Variants in RTN4 observed in about 807,000 individuals in gnomAD.
The protein encoded by RTN4 is reticulon 4.
A neutral mutation model predicts 90.4 loss-of-function variants in RTN4; 32 were observed. That is an observed-to-expected ratio of 0.35 (90% CI 0.27 to 0.48). RTN4 has a LOEUF of 0.48. Among genes scored for constraint, RTN4 ranks in the 20% least tolerant of loss-of-function variants. The pLI is 0.99. For synonymous variants in RTN4, 629 were observed against 552.5 expected (o/e 1.14, Z -1.94); for missense variants, 1,706 against 1,430.2 (o/e 1.19, Z -3.11).
At chr2:55,034,153 A>G (rs573290231) in intron 1 of RTN4, among the ~76,000 whole-genome samples, 19 of 152,326 alleles carry the variant, frequency 1.2e-4, no homozygotes, top group African/African-American at 4.6e-4. Flanking sequence ...TGGTGGCTAT[A>G]CAGAACATAG....
chr2:54,993,519 A>C (rs995628051), intron 3 of RTN4, among the ~76,000 whole-genome samples: 5 of 152,236 alleles, frequency 3.3e-5, no homozygotes, highest in African/African-American at 1.2e-4. Context: ...GCAGTACTCA[A>C]TGATAGTAAG....
intron 3 of RTN4, among the ~76,000 whole-genome samples, chr2:55,019,046 T>C (rs1314445361): frequency 6.6e-6 from 1 of 151,982 alleles, no homozygotes; most frequent in African/African-American, 2.4e-5. Context: ...AGAAAGAAGG[T>C]TGCATGTCCC....
intron 3 of RTN4, among the ~76,000 whole-genome samples, chr2:55,008,160 C>CACA (rs1172858375): frequency 6.6e-6 from 1 of 151,648 alleles, no homozygotes; most frequent in Non-Finnish European, 1.5e-5. Flanking sequence ...CACACACACA[C>CACA]ACACACACAC....
chr2:55,136,197 C>A, the RTN4 span, among the ~76,000 whole-genome samples: 3 of 151,938 alleles, frequency 2.0e-5, no homozygotes, highest in Admixed American at 2.0e-4. Context: ...TAAGAAGCAA[C>A]AGGGCAAAGT....
intron 1 of RTN4, among the ~76,000 whole-genome samples, chr2:55,034,727 T>C (rs1682558948): frequency 6.6e-6 from 1 of 152,200 alleles, no homozygotes; most frequent in Non-Finnish European, 1.5e-5. Context: ...AGATGTTGAA[T>C]ATACAGGTAG....
intron 3 of RTN4, among the ~76,000 whole-genome samples, chr2:55,021,154 CT>C (rs1681399805): frequency 6.6e-6 from 1 of 152,014 alleles, no homozygotes; most frequent in Non-Finnish European, 1.5e-5. Flanking sequence ...TGGCATAAAA[CT>C]TTTAAGTCAT....
At chr2:55,063,252 T>C (rs1163805616) in intron 2 of RTN4, among the ~76,000 whole-genome samples, 1 of 152,218 alleles carries the variant, frequency 6.6e-6, no homozygotes, top group Non-Finnish European at 1.5e-5. Context: ...TAGAAGATAG[T>C]GGGCTTCTTA....
intron 3 of RTN4, among the ~76,000 whole-genome samples, chr2:55,011,981 CAT>C (rs529940120): frequency 1.3e-3 from 204 of 152,322 alleles, no homozygotes; most frequent in African/African-American, 4.6e-3. Context: ...CTCCACGCAA[CAT>C]TCAGAATCTC....
At position 54,997,522 on chromosome 2, in the gene RTN4, T is replaced by C. The variant is rs112809102; in HGVS notation, c.3014-9824A>G. Among the ~76,000 whole-genome samples, 1,043 of 152,214 alleles carry C rather than the reference T, an allele frequency of 6.9e-3. 11 individuals are homozygous for C. The highest frequency in any genetic ancestry group is 0.024 in the African/African-American group (978 of 41,546). Reference sequence around the variant, plus strand: ...TCCTAGGAATTTTCACCCAAGAAACTAGAAAACACAAAAACTTAACACACA... The same window carrying C: ...TCCTAGGAATTTTCACCCAAGAAACCAGAAAACACAAAAACTTAACACACA... On this transcript the variant is annotated intron_variant, in intron 3 of 8. Coordinates refer to ENST00000337526, the MANE Select transcript of RTN4 (RefSeq NM_020532.5).
rs776691639 is a variant in RTN4 at position 55,026,709 on chromosome 2, A to G, written c.1390T>C (p.Cys464Arg). The G allele has an allele frequency of 3.0e-5, 48 of 1,613,804 alleles. No individual in the cohort carries two copies. Among genetic ancestry groups the G allele is most frequent in the Non-Finnish European group, 3.6e-5 (43 of 1,179,886 alleles). ...IKDRSGAYIT[C>R]APFNPAATES... ...GTTGCTGCTGGGTTAAAGGGAGCACATGTGATATATGCTCCTGAACGATCC... is the reference window on the plus strand; with the variant it reads ...GTTGCTGCTGGGTTAAAGGGAGCACGTGTGATATATGCTCCTGAACGATCC... The change falls in exon 3 of 9, where the codon TGT becomes CGT. Residue 464 changes from cysteine (C) to arginine (R), a missense_variant. Transcript: ENST00000337526.
intron 1 of RTN4, among the ~76,000 whole-genome samples, chr2:55,037,767 A>T (rs1682791655): frequency 6.6e-6 from 1 of 152,232 alleles, no homozygotes; most frequent in African/African-American, 2.4e-5. Context: ...TCAAATTCAT[A>T]ACAGGCATTT....
chr2:54,985,032 A>G (rs1008021226), intron 4 of RTN4, among the ~76,000 whole-genome samples: 61 of 152,210 alleles, frequency 4.0e-4, no homozygotes, highest in Admixed American at 3.3e-3. Context: ...AATGATGTGT[A>G]AAATTGGAAC....
the RTN4 span, among the ~76,000 whole-genome samples, chr2:55,137,560 G>A: frequency 2.5e-3 from 373 of 152,160 alleles, 1 homozygote; most frequent in African/African-American, 8.6e-3. Flanking sequence ...AAATCACGGC[G>A]GCTGCTGCTC....
intron 1 of RTN4, among the ~76,000 whole-genome samples, chr2:55,097,756 C>A (rs758451261): frequency 2.0e-5 from 3 of 152,084 alleles, no homozygotes; most frequent in Non-Finnish European, 2.9e-5. Context: ...GAAGTGAAAT[C>A]CATAATGAAG....
In RTN4 at chr2:55,026,140, A is replaced by C. The variant is rs199852595; in HGVS notation, c.1959T>G (p.Pro653=). 1 of 1,613,274 alleles carries C rather than the reference A, an allele frequency of 6.2e-7. No homozygotes were observed. Among genetic ancestry groups the C allele is most frequent in the Non-Finnish European group, 8.5e-7 (1 of 1,179,780 alleles). ...CCTCTTCATATGGTGGGGGGTTTTCAGGCTCATGTTTTATGCTTTCATAAT... is the reference window on the plus strand; with the variant it reads ...CCTCTTCATATGGTGGGGGGTTTTCCGGCTCATGTTTTATGCTTTCATAAT... ...SVNYESIKHE[P]ENPPPYEEAM... Residue 653 remains proline (P), a synonymous_variant, in exon 3 of 9, where the codon CCT becomes CCG. Transcript: ENST00000337526.
chr2:55,016,746 T>A (rs534199309), intron 3 of RTN4, among the ~76,000 whole-genome samples: 1 of 152,318 alleles, frequency 6.6e-6, no homozygotes, highest in Admixed American at 6.5e-5. Context: ...GTATTGTATG[T>A]CAGACTGCTT....
At chr2:55,092,571 C>T (rs988545043) in intron 1 of RTN4, among the ~76,000 whole-genome samples, 7 of 152,210 alleles carry the variant, frequency 4.6e-5, no homozygotes, top group Non-Finnish European at 8.8e-5. Context: ...TCCTAGAACA[C>T]TACCTGGCAG....
intron 3 of RTN4, among the ~76,000 whole-genome samples, chr2:54,996,499 G>C (rs1679437557): frequency 1.3e-5 from 2 of 152,202 alleles, no homozygotes. Context: ...AGGTAGATTA[G>C]TGGAATACAA....
At chr2:55,044,487 G>T (rs183061345) in intron 1 of RTN4, among the ~76,000 whole-genome samples, 186 of 152,244 alleles carry the variant, frequency 1.2e-3, no homozygotes, top group African/African-American at 4.0e-3. Flanking sequence ...CAGGCAGGAG[G>T]ATTGCTTCAG....
Sources: allele counts gnomAD v4.1 joint callset (sites outside exome capture counted in the v4.1 genomes callset), GRCh38; gene constraint gnomAD v4.1.1; transcripts MANE v1.5; gene names NCBI Gene and HGNC (gene_info 2026-07-23, HGNC 2026-07-21).